CDH9: variants seen among roughly 807,000 people sequenced by gnomAD.
CDH9 encodes the protein cadherin-9.
In CDH9, 28 loss-of-function variants were observed where a neutral mutation model predicts 70.9. The ratio of observed to expected loss-of-function variants is 0.40; its 90% confidence interval spans 0.29 to 0.54. The LOEUF (loss-of-function observed/expected upper bound fraction) is 0.54. Ranked by LOEUF, CDH9 falls within the 20% of genes least tolerant of loss-of-function variation. The pLI is 0.59. For missense variants in CDH9, 874 were observed against 984.4 expected, an observed-to-expected ratio of 0.89 and a Z score of 1.50; for synonymous variants, 409 against 343.1, an observed-to-expected ratio of 1.19 and a Z score of -2.12.
chr5:26,903,496 A>G, intron 6 of CDH9, 141 bp downstream of exon 6: 1 of 744,288 alleles, frequency 1.3e-6, no homozygotes, highest in Admixed American at 1.8e-5. Flanking sequence ...AAGTGATATC[A>G]CAACTATTCT....
At chr5:26,885,083 TGATATA>T (rs1740540966) in intron 11 of CDH9, among the ~76,000 whole-genome samples, 1 of 152,182 alleles carries the variant, frequency 6.6e-6, no homozygotes, top group South Asian at 2.1e-4. Flanking sequence ...GTTAGACATC[TGATATA>T]GATAATTCAG....
At chr5:26,945,519 A>C (rs976359076) in intron 2 of CDH9, among the ~76,000 whole-genome samples, 4 of 152,076 alleles carry the variant, frequency 2.6e-5, no homozygotes, top group African/African-American at 9.7e-5. Context: ...GTTGCTAATG[A>C]ATTGCAATAG....
At chr5:26,956,681 C>A (rs1028678830) in intron 2 of CDH9, among the ~76,000 whole-genome samples, 4 of 152,136 alleles carry the variant, frequency 2.6e-5, no homozygotes, top group Non-Finnish European at 5.9e-5. Flanking sequence ...TCCACCATGG[C>A]ATGACACAGA....
At chr5:26,982,005 C>T (rs1742407836) in intron 2 of CDH9, among the ~76,000 whole-genome samples, 1 of 152,068 alleles carries the variant, frequency 6.6e-6, no homozygotes, top group Non-Finnish European at 1.5e-5. Flanking sequence ...TCCCTCTCTC[C>T]ATACCCTTCT....
intron 1 of CDH9, among the ~76,000 whole-genome samples, chr5:27,012,774 C>T (rs1742980869): frequency 1.3e-5 from 2 of 151,964 alleles, no homozygotes; most frequent in African/African-American, 4.8e-5. Context: ...GCATGTTTTC[C>T]TTTGCCAATC....
chr5:26,951,291 C>CAAAAAA lies in CDH9; in HGVS notation c.229-35373_229-35368dup, dbSNP rs796799417. Among the ~76,000 whole-genome samples the CAAAAAA allele has an allele frequency of 7.0e-5, 6 of 86,196 alleles. 1 individual carries two copies. Among genetic ancestry groups the CAAAAAA allele is most frequent in the Non-Finnish European group, 6.1e-5 (3 of 48,884 alleles). 56.5% of individuals were successfully genotyped at this position (86,196 alleles called of 152,430 possible). A position where few individuals can be genotyped will look rare whatever the true frequency, so the allele number is the denominator to read the frequency against. ...TGGGTGACAGAGCAAGACTCTGTCT[C>CAAAAAA]AAAAAAAAAAAAAAAAAAAAAAAAA... On this transcript the variant is annotated intron_variant, in intron 2 of 11. Coordinates refer to ENST00000231021, the MANE Select transcript of CDH9 (RefSeq NM_016279.4).
intron 2 of CDH9, among the ~76,000 whole-genome samples, chr5:26,942,298 C>A (rs1741676274): frequency 6.6e-6 from 1 of 152,180 alleles, no homozygotes; most frequent in Admixed American, 6.5e-5. Flanking sequence ...TTACTTCCCA[C>A]TGGGTCCCTC....
intron 1 of CDH9, among the ~76,000 whole-genome samples, chr5:26,994,272 G>A (rs1742630504): frequency 6.6e-6 from 1 of 152,058 alleles, no homozygotes; most frequent in East Asian, 1.9e-4. Context: ...GGGCCTATTG[G>A]GATGAAATGA....
At chr5:26,922,125 T>C (rs1741255724) in intron 2 of CDH9, among the ~76,000 whole-genome samples, 1 of 151,278 alleles carries the variant, frequency 6.6e-6, no homozygotes. Flanking sequence ...AATTAAGTTA[T>C]TGGCCTTAAA....
At chr5:26,938,478 G>A (rs1407432155) in intron 2 of CDH9, among the ~76,000 whole-genome samples, 1 of 151,796 alleles carries the variant, frequency 6.6e-6, no homozygotes, top group Non-Finnish European at 1.5e-5. Context: ...TAATAGAAAA[G>A]CTATAGTTAA....
At chr5:27,026,858 T>C (rs575418755) in intron 1 of CDH9, among the ~76,000 whole-genome samples, 4 of 152,138 alleles carry the variant, frequency 2.6e-5, no homozygotes, top group African/African-American at 9.6e-5. Flanking sequence ...ATGCAATCAT[T>C]ATTACCATTT....
chr5:26,915,112 G>C (rs778456909), intron 3 of CDH9, among the ~76,000 whole-genome samples: 2 of 151,924 alleles, frequency 1.3e-5, no homozygotes, highest in Non-Finnish European at 2.9e-5. Flanking sequence ...CAGGTTATTT[G>C]ATCTTAATTC....
Position 26,885,723 on chromosome 5 carries a change from G to T in CDH9, c.1773C>A (p.Cys591Ter). The change falls in exon 11 of 12, where the codon TGC becomes TGA. Residue 591 changes from cysteine (C) to a stop codon, truncating the protein, a stop_gained. Coordinates refer to ENST00000231021, the MANE Select transcript of CDH9 (RefSeq NM_016279.4). LOFTEE classifies it high-confidence loss of function. ...AGGATTGCATGTTTCCTTGATTATCGCAGGCACACACACGGATAGTGAGTG... is the reference window on the plus strand; with the variant it reads ...AGGATTGCATGTTTCCTTGATTATCTCAGGCACACACACGGATAGTGAGTG... ...TGTLTIRVCA[C>*]DNQGNMQSCT... 6.2e-7 allele frequency: 1 copy of T among 1,613,490 alleles called. No individual in the cohort carries two copies. The highest frequency in any genetic ancestry group is 8.5e-7 in the Non-Finnish European group (1 of 1,179,778).
At chr5:27,016,080 T>A (rs548980857) in intron 1 of CDH9, among the ~76,000 whole-genome samples, 1 of 151,914 alleles carries the variant, frequency 6.6e-6, no homozygotes, top group South Asian at 2.1e-4. Context: ...TTAATATGAA[T>A]AATCACTACT....
At chr5:26,913,671 C>T (rs994285414) in intron 3 of CDH9, among the ~76,000 whole-genome samples, 2 of 151,808 alleles carry the variant, frequency 1.3e-5, no homozygotes, top group African/African-American at 2.4e-5. Flanking sequence ...AACTACAAAA[C>T]ATCTTTCATG....
chr5:26,908,251 A>C (rs1740983148), intron 3 of CDH9, among the ~76,000 whole-genome samples: 1 of 152,140 alleles, frequency 6.6e-6, no homozygotes, highest in South Asian at 2.1e-4. Flanking sequence ...TTATCCACCC[A>C]TGTGTTCATT....
chr5:26,933,811 C>T (rs946075937), intron 2 of CDH9, among the ~76,000 whole-genome samples: 12 of 147,400 alleles, frequency 8.1e-5, no homozygotes, highest in Admixed American at 3.4e-4. Flanking sequence ...TAAAATAAAA[C>T]AAAATAATAA....
intron 2 of CDH9, among the ~76,000 whole-genome samples, chr5:26,936,615 A>G (rs891344682): frequency 6.6e-6 from 1 of 152,174 alleles, no homozygotes; most frequent in Non-Finnish European, 1.5e-5. Context: ...TGAAAGTTGT[A>G]TAACTGACAT....
At chr5:26,902,078 G>A (rs978143580) in intron 7 of CDH9, among the ~76,000 whole-genome samples, 3 of 151,784 alleles carry the variant, frequency 2.0e-5, no homozygotes, top group African/African-American at 7.3e-5. Flanking sequence ...ATGAGACAAG[G>A]ACTACGGCAA....
Sources: allele counts gnomAD v4.1 joint callset (sites outside exome capture counted in the v4.1 genomes callset), GRCh38; gene constraint gnomAD v4.1.1; transcripts MANE v1.5; gene names NCBI Gene and HGNC (gene_info 2026-07-23, HGNC 2026-07-21).